KHDRBS2: variants seen among roughly 807,000 people sequenced by gnomAD.
KHDRBS2 encodes the protein KH RNA binding domain containing, signal transduction associated 2.
In KHDRBS2, 26 loss-of-function variants were observed where a neutral mutation model predicts 44.3. That is an observed-to-expected ratio of 0.59 (90% CI 0.43 to 0.81). The LOEUF (loss-of-function observed/expected upper bound fraction) is 0.81. Among genes scored for constraint, KHDRBS2 ranks in the 40% least tolerant of loss-of-function variants. The pLI is 0.00. For synonymous variants in KHDRBS2, 194 were observed against 151.1 expected (o/e 1.28, Z -2.08); for missense variants, 476 against 433.1 (o/e 1.10, Z -0.88).
intron 4 of KHDRBS2, among the ~76,000 whole-genome samples, chr6:61,953,154 C>T (rs1423376764): frequency 6.6e-6 from 1 of 151,806 alleles, no homozygotes; most frequent in Non-Finnish European, 1.5e-5. Context: ...CTAGTGTTTT[C>T]AAATCACTTT....
At chr6:62,215,523 T>C (rs1395395739) in intron 1 of KHDRBS2, among the ~76,000 whole-genome samples, 2 of 151,730 alleles carry the variant, frequency 1.3e-5, no homozygotes, top group African/African-American at 2.4e-5. Context: ...TGAAAAGAAA[T>C]AGGAGACATT....
At chr6:61,857,362 A>T (rs1796296070) in intron 6 of KHDRBS2, among the ~76,000 whole-genome samples, 1 of 152,036 alleles carries the variant, frequency 6.6e-6, no homozygotes, top group African/African-American at 2.4e-5. Flanking sequence ...TTTTATATCA[A>T]TCATCCACTT....
intron 6 of KHDRBS2, among the ~76,000 whole-genome samples, chr6:61,855,483 T>G (rs1796020658): frequency 1.0e-5 from 1 of 97,602 alleles, no homozygotes; most frequent in Non-Finnish European, 2.3e-5. Context: ...TAGATGTGTG[T>G]GTATATGTAT....
chr6:62,179,619 G>C (rs192813147), intron 1 of KHDRBS2, among the ~76,000 whole-genome samples: 4 of 151,836 alleles, frequency 2.6e-5, no homozygotes, highest in Admixed American at 2.6e-4. Context: ...TGAAGAAGCT[G>C]ACTCAATTCC....
chr6:61,895,113 C>A (rs1313068595), intron 5 of KHDRBS2, among the ~76,000 whole-genome samples: 2 of 148,706 alleles, frequency 1.3e-5, no homozygotes, highest in African/African-American at 2.5e-5. Flanking sequence ...AACTAAAAAC[C>A]CAAAGCCAGA....
intron 4 of KHDRBS2, among the ~76,000 whole-genome samples, chr6:61,920,886 T>C (rs1367110796): frequency 6.6e-6 from 1 of 151,826 alleles, no homozygotes; most frequent in Admixed American, 6.6e-5. Flanking sequence ...AAAATGCTTA[T>C]AATAAATTAG....
intron 2 of KHDRBS2, among the ~76,000 whole-genome samples, chr6:62,095,602 C>A (rs1463421319): frequency 6.6e-6 from 1 of 151,856 alleles, no homozygotes; most frequent in Non-Finnish European, 1.5e-5. Context: ...TAACAATGCA[C>A]TTCTTAACTT....
At chr6:62,169,025 T>C (rs1425592995) in intron 2 of KHDRBS2, among the ~76,000 whole-genome samples, 1 of 59,324 alleles carries the variant, frequency 1.7e-5, no homozygotes, top group Admixed American at 1.5e-4. Flanking sequence ...ATAGTGTTTG[T>C]TCTCCAGTCA....
intron 3 of KHDRBS2, among the ~76,000 whole-genome samples, chr6:62,011,209 G>A (rs923600393): frequency 6.6e-6 from 1 of 152,076 alleles, no homozygotes; most frequent in African/African-American, 2.4e-5. Context: ...AACTCAAGGA[G>A]CACCTAGAAT....
chr6:61,782,159 A>G (rs1783032499), intron 6 of KHDRBS2, among the ~76,000 whole-genome samples: 1 of 152,110 alleles, frequency 6.6e-6, no homozygotes, highest in Non-Finnish European at 1.5e-5. Context: ...TGTGTGGGCA[A>G]TGATCTGAAT....
intron 2 of KHDRBS2, among the ~76,000 whole-genome samples, chr6:62,059,198 G>GTTTTTTT (rs398001756): frequency 0.021 from 517 of 24,876 alleles, 204 homozygotes; most frequent in Non-Finnish European, 0.033. Context: ...AAGTTAGGAA[G>GTTTTTTT]TTTTTTTTTT....
At chr6:62,153,089 T>C (rs1815579808) in intron 2 of KHDRBS2, among the ~76,000 whole-genome samples, 2 of 152,226 alleles carry the variant, frequency 1.3e-5, no homozygotes, top group Non-Finnish European at 1.5e-5. Context: ...GCTTGCTCAA[T>C]GGCAAAAACA....
intron 4 of KHDRBS2, among the ~76,000 whole-genome samples, chr6:61,947,852 C>A (rs997117783): frequency 6.6e-6 from 1 of 151,052 alleles, no homozygotes; most frequent in Admixed American, 6.6e-5. Flanking sequence ...AAGTTAGGCA[C>A]CTCCTTGATT....
intron 6 of KHDRBS2, among the ~76,000 whole-genome samples, chr6:61,735,740 A>T (rs1481507936): frequency 1.3e-5 from 2 of 152,096 alleles, no homozygotes; most frequent in Non-Finnish European, 2.9e-5. Context: ...TGTATTGTAC[A>T]TTTATGTTAC....
chr6:61,868,348 C>T (rs898835114), intron 6 of KHDRBS2, among the ~76,000 whole-genome samples: 5 of 152,202 alleles, frequency 3.3e-5, no homozygotes, highest in Middle Eastern at 3.4e-3. Context: ...CTGCCAGGCA[C>T]TCCATCCCAG....
At chr6:62,208,565 G>A (rs1439859191) in intron 1 of KHDRBS2, among the ~76,000 whole-genome samples, 5 of 152,066 alleles carry the variant, frequency 3.3e-5, no homozygotes, top group Non-Finnish European at 5.9e-5. Flanking sequence ...CCTTTATGAG[G>A]TGGTTATTTC....
intron 1 of KHDRBS2, among the ~76,000 whole-genome samples, chr6:62,244,343 TC>T: frequency 1.3e-5 from 2 of 152,254 alleles, no homozygotes; most frequent in Admixed American, 1.3e-4. Flanking sequence ...AAATGACTCT[TC>T]CCACTGTTAA....
At chr6:61,761,627 T>G (rs1317457914) in intron 6 of KHDRBS2, among the ~76,000 whole-genome samples, 2 of 152,168 alleles carry the variant, frequency 1.3e-5, no homozygotes, top group African/African-American at 2.4e-5. Flanking sequence ...TAATGGAAAT[T>G]ATTTCAAATA....
At chr6:62,010,000 C>A (rs775933573) in intron 3 of KHDRBS2, among the ~76,000 whole-genome samples, 22 of 152,042 alleles carry the variant, frequency 1.4e-4, no homozygotes, top group Non-Finnish European at 8.8e-5. Context: ...ACAGGGCCAC[C>A]GTCCTCCAGA....
Sources: gnomAD v4.1 joint callset for allele counts (sites outside exome capture counted in the v4.1 genomes callset) on GRCh38, gnomAD v4.1.1 for gene constraint, MANE v1.5 for transcripts, NCBI Gene and HGNC (gene_info 2026-07-23, HGNC 2026-07-21) for gene names.